The following TAF15 variants were observed in gnomAD, a reference collection of about 807,000 sequenced individuals.
The protein encoded by TAF15 is TATA-binding protein-associated factor 2N.
In TAF15, 37 loss-of-function variants were observed where a neutral mutation model predicts 102.5. That is an observed-to-expected ratio of 0.36 (90% CI 0.28 to 0.47). The LOEUF (loss-of-function observed/expected upper bound fraction) is 0.47, where lower values mean the gene tolerates loss of function less well. Ranked by LOEUF, TAF15 falls within the 20% of genes least tolerant of loss-of-function variation. The pLI is 0.99. For missense variants in TAF15, 652 were observed against 760.7 expected, an observed-to-expected ratio of 0.86 and a Z score of 1.68; for synonymous variants, 273 against 259.2, an observed-to-expected ratio of 1.05 and a Z score of -0.51.
At chr17:35,844,192 G>C in intron 13 of TAF15, 34 bp downstream of exon 13, 2 of 1,613,052 alleles carry the variant, frequency 1.2e-6, no homozygotes, top group Non-Finnish European at 1.7e-6. Context: ...GAGAGTAGGG[G>C]TTGGGATTGG....
chr17:35,839,094 T>C (rs2087509716), intron 11 of TAF15, among the ~76,000 whole-genome samples: 6 of 151,288 alleles, frequency 4.0e-5, no homozygotes, highest in Middle Eastern at 3.4e-3. Flanking sequence ...AGAGCTTGCC[T>C]CTACTAAAAC....
intron 7 of TAF15, among the ~76,000 whole-genome samples, chr17:35,832,897 C>G (rs552441304): frequency 1.3e-5 from 2 of 152,224 alleles, no homozygotes; most frequent in Non-Finnish European, 2.9e-5. Flanking sequence ...TGGCTCGTGC[C>G]TGTAATCCTG....
chr17:35,824,805 T>G (rs979349249), intron 7 of TAF15, among the ~76,000 whole-genome samples: 4 of 152,252 alleles, frequency 2.6e-5, no homozygotes, highest in Non-Finnish European at 5.9e-5. Flanking sequence ...AATTCAGCTT[T>G]TCTTTTCTCC....
chr17:35,844,653 G>C lies in TAF15; in HGVS notation c.1354G>C (p.Gly452Arg). ...GGGCGGCTATGGTGGAGACAGAAGT[G>C]GGGGTGGCTATGGTGGGGACAGAGG... Reference protein sequence around the residue: ...SGGGYGGDRSGGGYGGDRGGG... With the variant: ...SGGGYGGDRSRGGYGGDRGGG... The change falls in exon 15 of 16, where the codon GGG becomes CGG. Residue 452 changes from glycine (G) to arginine (R), a missense_variant. By Grantham distance (125) the Gly-to-Arg change is moderately radical (BLOSUM62 -2). Transcript: ENST00000605844. 6.2e-7 allele frequency: 1 copy of C among 1,600,330 alleles called. No individual in the cohort carries two copies.
chr17:35,825,180 G>T (rs971854021), intron 7 of TAF15, among the ~76,000 whole-genome samples: 14 of 152,204 alleles, frequency 9.2e-5, no homozygotes, highest in Non-Finnish European at 1.3e-4. Flanking sequence ...AGTGAGCCAG[G>T]ATTTGATTTC....
Position 35,844,883 on chromosome 17 carries a change from G to C in TAF15, c.1584G>C (p.Arg528=). The change falls in exon 15 of 16, where the codon CGG becomes CGC. Residue 528 remains arginine, a synonymous_variant. Transcript: ENST00000605844. ...GAGGCTATGGAGGAGACAGAAGCCGGGGGGGCTATGGAGGAGACCGTGGTG... is the reference window on the plus strand; with the variant it reads ...GAGGCTATGGAGGAGACAGAAGCCGCGGGGGCTATGGAGGAGACCGTGGTG... ...DRGGYGGDRS[R]GGYGGDRGGG... is the part of the protein sequence containing the mutation. 6.2e-7 allele frequency: 1 copy of C among 1,612,312 alleles called. No homozygotes were observed. The highest frequency in any genetic ancestry group is 8.5e-7 in the Non-Finnish European group (1 of 1,179,444).
intron 7 of TAF15, among the ~76,000 whole-genome samples, chr17:35,826,371 GT>G (rs751350707): frequency 2.6e-5 from 4 of 152,026 alleles, no homozygotes; most frequent in Non-Finnish European, 4.4e-5. Context: ...TTTATATTGA[GT>G]TGGCAAGCTG....
chr17:35,824,255 T>TTA (rs2087299392), intron 7 of TAF15, 57 bp downstream of exon 7: 18 of 1,562,876 alleles, frequency 1.2e-5, no homozygotes, highest in Middle Eastern at 1.8e-4. Context: ...TTTTTTTTTT[T>TTA]AAGGTGTTAC....
intron 10 of TAF15, among the ~76,000 whole-genome samples, chr17:35,837,090 C>A (rs2087484135): frequency 6.6e-6 from 1 of 151,872 alleles, no homozygotes; most frequent in Non-Finnish European, 1.5e-5. Context: ...TCACTTTTTT[C>A]TTTCTTTGGG....
chr17:35,836,302 A>G, intron 10 of TAF15, 61 bp downstream of exon 10: 1 of 1,210,176 alleles, frequency 8.3e-7, no homozygotes, highest in Non-Finnish European at 1.2e-6. Flanking sequence ...CAATACATAG[A>G]CTATGTAGTA....
At position 35,844,343 on chromosome 17, in the gene TAF15, A is replaced by G; in HGVS notation, c.1152A>G (p.Pro384=). Residue 384 remains proline (P), a synonymous_variant, in exon 14 of 16, where the codon CCA becomes CCG. Coordinates refer to ENST00000605844, the MANE Select transcript of TAF15 (RefSeq NM_139215.3). ...NSCNQCNEPR[P]EDSRPSGGDF... is the part of the protein sequence containing the mutation. Reference sequence around the variant, plus strand: ...GCAATCAGTGCAATGAGCCTAGACCAGAGGACTCTCGTCCCTCAGGAGGAG... The same window carrying G: ...GCAATCAGTGCAATGAGCCTAGACCGGAGGACTCTCGTCCCTCAGGAGGAG... The G allele has an allele frequency of 6.2e-7, 1 of 1,614,260 alleles. No homozygotes were observed. Among genetic ancestry groups the G allele is most frequent in the Non-Finnish European group, 8.5e-7 (1 of 1,180,050 alleles).
chr17:35,839,905 A>T (rs1283543931), intron 11 of TAF15, among the ~76,000 whole-genome samples: 1 of 152,056 alleles, frequency 6.6e-6, no homozygotes, highest in African/African-American at 2.4e-5. Context: ...GTTGCACCCT[A>T]ATTTAACAGT....
intron 11 of TAF15, among the ~76,000 whole-genome samples, chr17:35,839,128 T>A (rs989731589): frequency 6.6e-5 from 10 of 150,784 alleles, no homozygotes; most frequent in Admixed American, 2.0e-4. Flanking sequence ...TTTTTTTTTT[T>A]AAATAACCTG....
intron 9 of TAF15, among the ~76,000 whole-genome samples, chr17:35,835,815 TCC>T (rs2087467673): frequency 6.6e-6 from 1 of 152,212 alleles, no homozygotes; most frequent in African/African-American, 2.4e-5. Flanking sequence ...CTAAACTAAC[TCC>T]ATCTCTTCAT....
At chr17:35,826,129 T>C (rs1172850656) in intron 7 of TAF15, among the ~76,000 whole-genome samples, 1 of 152,178 alleles carries the variant, frequency 6.6e-6, no homozygotes, top group Non-Finnish European at 1.5e-5. Flanking sequence ...ATATAATTTG[T>C]GGCCTAGATA....
chr17:35,822,520 T>C, intron 5 of TAF15, 120 bp from the exon 6 acceptor site: 3 of 844,760 alleles, frequency 3.6e-6, no homozygotes, highest in Non-Finnish European at 5.7e-6. Flanking sequence ...CATGAGAAGG[T>C]AGTCATAAAT....
Position 35,812,955 on chromosome 17 carries a change from C to T in TAF15, c.7+3379C>T, listed in dbSNP as rs2087143626. On this transcript the variant is annotated intron_variant, in intron 1 of 15. Transcript: ENST00000605844. Reference sequence around the variant, plus strand: ...CCAGCCTGGCCACCATGGCGAAACCCCATCTCTACTAAAAGTATAAAAATT... The same window carrying T: ...CCAGCCTGGCCACCATGGCGAAACCTCATCTCTACTAAAAGTATAAAAATT... Among the ~76,000 whole-genome samples the T allele has an allele frequency of 3.3e-5, 5 of 151,682 alleles. No homozygotes were observed. In the South Asian group the frequency reaches 1.0e-3, roughly 32 times the overall value.
At chr17:35,846,425 C>T (rs1309623871) in intron 15 of TAF15, among the ~76,000 whole-genome samples, 1 of 152,150 alleles carries the variant, frequency 6.6e-6, no homozygotes, top group African/African-American at 2.4e-5. Context: ...TACTGTATGG[C>T]CAATACTGTA....
At chr17:35,816,815 CTTTTTTTTT>C (rs1170506741) in intron 1 of TAF15, 3 of 57,430 alleles carry the variant, frequency 5.2e-5, no homozygotes, top group Non-Finnish European at 9.6e-5. Context: ...CCCACCCCCA[CTTTTTTTTT>C]TTTTTTTTTT....
Sources: gnomAD v4.1 joint callset for allele counts (sites outside exome capture counted in the v4.1 genomes callset) on GRCh38, gnomAD v4.1.1 for gene constraint, MANE v1.5 for transcripts, NCBI Gene and HGNC (gene_info 2026-07-23, HGNC 2026-07-21) for gene names.